TMPRSS12: variants seen among roughly 807,000 people sequenced by gnomAD.
TMPRSS12 encodes transmembrane protease serine 12.
In TMPRSS12, 25 loss-of-function variants were observed where a neutral mutation model predicts 26.0. The ratio of observed to expected loss-of-function variants is 0.96; its 90% CI spans 0.70 to 1.34. TMPRSS12 has a LOEUF of 1.34. TMPRSS12 is among the 40% of genes most tolerant of loss of function. The probability of loss-of-function intolerance (pLI) is 0.00; values close to 1 mark genes in which losing one functional copy is unlikely to be tolerated. For missense variants in TMPRSS12, 441 were observed against 440.1 expected, an observed-to-expected ratio of 1.00 and a Z score of -0.02; for synonymous variants, 150 against 161.7, an observed-to-expected ratio of 0.93 and a Z score of 0.55.
chr12:50,859,254 T>C (rs1361438354), intron 3 of TMPRSS12, among the ~76,000 whole-genome samples: 1 of 151,812 alleles, frequency 6.6e-6, no homozygotes, highest in Non-Finnish European at 1.5e-5. Context: ...CTTGCTCTGT[T>C]GCCCAGGATG....
Position 50,870,834 on chromosome 12 carries a change from C to T in TMPRSS12, c.652+11781C>T, listed in dbSNP as rs1167773776. Among the ~76,000 whole-genome samples the T allele has an allele frequency of 2.1e-5, 3 of 143,308 alleles. No individual in the cohort carries two copies. The South Asian group carries it at 7.1e-4, about 34-fold the overall frequency. The allele number at this position is 143,308 out of a possible 152,430, so 94.0% of individuals were successfully genotyped here. ...CAGAGAATCAAATCAAGAACTCAAC[C>T]CTTTTCATGATAGTTGCAAAAAAAA... On this transcript the variant is annotated intron_variant, in intron 3 of 4. Transcript: ENST00000398458.
At chr12:50,875,322 C>T (rs1938102556) in intron 3 of TMPRSS12, among the ~76,000 whole-genome samples, 1 of 151,686 alleles carries the variant, frequency 6.6e-6, no homozygotes, top group Non-Finnish European at 1.5e-5. Context: ...CTAACCTCGT[C>T]TCTACTAAAA....
chr12:50,887,350 G>A lies in TMPRSS12; in HGVS notation c.884G>A (p.Gly295Asp). Residue 295 changes from glycine (G) to aspartate (D), a missense_variant, in exon 5 of 5, where the codon GGT becomes GAT. Coordinates refer to ENST00000398458, the MANE Select transcript of TMPRSS12 (RefSeq NM_182559.3). Reference sequence around the variant, plus strand: ...ATTACCAGTTACGGACATGGCTGTGGTCGAAGAGGTTTTCCTGGTGTCTAT... The same window carrying A: ...ATTACCAGTTACGGACATGGCTGTGATCGAAGAGGTTTTCCTGGTGTCTAT... ...MGITSYGHGC[G>D]RRGFPGVYIG... 1 of 1,613,926 alleles carries A rather than the reference G, an allele frequency of 6.2e-7. No individual in the cohort carries two copies.
intron 3 of TMPRSS12, among the ~76,000 whole-genome samples, chr12:50,865,923 C>T (rs1402481951): frequency 6.6e-6 from 1 of 152,042 alleles, no homozygotes; most frequent in Non-Finnish European, 1.5e-5. Context: ...GTACAGACTG[C>T]AGAACTGATT....
chr12:50,874,364 T>G (rs1237240193), intron 3 of TMPRSS12, among the ~76,000 whole-genome samples: 1 of 152,094 alleles, frequency 6.6e-6, no homozygotes, highest in Non-Finnish European at 1.5e-5. Context: ...AAGGATTATA[T>G]ACACTACCTA....
chr12:50,887,467 A>T lies in TMPRSS12; in HGVS notation c.1001A>T (p.Gln334Leu). Residue 334 changes from glutamine to leucine, a missense_variant, in exon 5 of 5, where the codon CAG (glutamine) becomes CTG (leucine). By Grantham distance (113) the Gln-to-Leu change is moderately radical. Coordinates refer to ENST00000398458, the MANE Select transcript of TMPRSS12 (RefSeq NM_182559.3). ...GILTINILRG[Q>L]ILIALCFVIL... ...CTTACTATAAATATTTTACGTGGCC[A>T]GATCCTCATAGCTTTATGTTTTGTC... The T allele has an allele frequency of 1.2e-6, 2 of 1,613,918 alleles. No homozygotes were observed. Among genetic ancestry groups the T allele is most frequent in the Non-Finnish European group, 1.7e-6 (2 of 1,179,866 alleles).
chr12:50,857,055 C>T (rs991780116), intron 2 of TMPRSS12, among the ~76,000 whole-genome samples: 1 of 152,148 alleles, frequency 6.6e-6, no homozygotes, highest in Non-Finnish European at 1.5e-5. Context: ...TCATTTATTA[C>T]ACTTCCTAGA....
intron 3 of TMPRSS12, among the ~76,000 whole-genome samples, chr12:50,865,163 A>G (rs114487933): frequency 1.4e-4 from 21 of 152,064 alleles, no homozygotes; most frequent in African/African-American, 4.6e-4. Flanking sequence ...GAAACCCCCA[A>G]TCCACTAAAA....
chr12:50,863,153 A>T (rs142477700), intron 3 of TMPRSS12, among the ~76,000 whole-genome samples: 1 of 152,280 alleles, frequency 6.6e-6, no homozygotes, highest in East Asian at 1.9e-4. Flanking sequence ...CCTGGGTAAC[A>T]GAGAAAGACC....
intron 3 of TMPRSS12, among the ~76,000 whole-genome samples, chr12:50,875,655 A>T (rs1234125646): frequency 3.3e-5 from 5 of 152,104 alleles, no homozygotes; most frequent in African/African-American, 1.2e-4. Context: ...ATGGGCAAAG[A>T]ACTCCCTATT....
At chr12:50,856,839 C>A (rs910102458) in intron 2 of TMPRSS12, among the ~76,000 whole-genome samples, 1 of 125,084 alleles carries the variant, frequency 8.0e-6, no homozygotes, top group Non-Finnish European at 1.7e-5. Flanking sequence ...GCATGTGCCA[C>A]GACATCCGGC....
In TMPRSS12 at chr12:50,871,569, C is replaced by T. The variant is rs572476032; in HGVS notation, c.652+12516C>T. ...TCATGACCAAGAAGCCAAAAGCAAA[C>T]GCAATACAAACAAAGATAAATAGCT... On this transcript the variant is annotated intron_variant, in intron 3 of 4. Coordinates refer to ENST00000398458, the MANE Select transcript of TMPRSS12 (RefSeq NM_182559.3). 1.3e-3 allele frequency among the ~76,000 whole-genome samples: 195 copies of T among 152,162 alleles called. 1 individual carries two copies. The highest frequency in any genetic ancestry group is 4.1e-3 in the African/African-American group (172 of 41,518).
intron 3 of TMPRSS12, among the ~76,000 whole-genome samples, chr12:50,864,183 G>T (rs1937965837): frequency 6.6e-6 from 1 of 152,130 alleles, no homozygotes; most frequent in Non-Finnish European, 1.5e-5. Flanking sequence ...AAAGCTTCAA[G>T]CTGAGAATTT....
chr12:50,856,127 C>A (rs542154562), intron 2 of TMPRSS12, among the ~76,000 whole-genome samples: 4 of 152,152 alleles, frequency 2.6e-5, no homozygotes, highest in Non-Finnish European at 4.4e-5. Flanking sequence ...GTGAAATAAT[C>A]TGTACACCAA....
chr12:50,854,117 T>C (rs756191580), intron 2 of TMPRSS12, among the ~76,000 whole-genome samples: 2 of 152,088 alleles, frequency 1.3e-5, no homozygotes, highest in Non-Finnish European at 2.9e-5. Flanking sequence ...CATCAAAAAC[T>C]AATCCACCAT....
At position 50,885,406 on chromosome 12, in the gene TMPRSS12, T is replaced by C. The variant is rs770627049; in HGVS notation, c.795+18T>C. On this transcript the variant is annotated intron_variant, in intron 4 of 4. Coordinates refer to ENST00000398458, the MANE Select transcript of TMPRSS12 (RefSeq NM_182559.3). ...CTTGCAGGGTAAGACCAAGTAATTT[T>C]CCTTTAAAATATTTTCTGAAGCCAG... 3.6e-5 allele frequency: 58 copies of C among 1,613,566 alleles called. No homozygotes were observed. The highest frequency in any genetic ancestry group is 4.7e-5 in the Non-Finnish European group (56 of 1,179,812).
chr12:50,865,313 C>G (rs1053243947), intron 3 of TMPRSS12, among the ~76,000 whole-genome samples: 2 of 151,956 alleles, frequency 1.3e-5, no homozygotes, highest in Non-Finnish European at 2.9e-5. Context: ...GCCTGGGCAA[C>G]GAGAGCAAGA....
intron 4 of TMPRSS12, chr12:50,886,926 T>C (rs1344518875): frequency 4.7e-6 from 1 of 213,966 alleles, no homozygotes; most frequent in Non-Finnish European, 9.2e-6. Flanking sequence ...TAGACAGTTT[T>C]GACAATATTT....
rs147910602 is a variant in TMPRSS12 at position 50,865,679 on chromosome 12, T to C, written c.652+6626T>C. On this transcript the variant is annotated intron_variant, in intron 3 of 4. Transcript: ENST00000398458. ...AAACGTAATCCCCTTTCATACATTA[T>C]ACTGAAGTTGAACAACAAAGAAAAA... Among the ~76,000 whole-genome samples the C allele has an allele frequency of 2.3e-4, 34 of 147,646 alleles. No individual in the cohort carries two copies. In the East Asian group the frequency reaches 6.2e-3, roughly 27 times the overall value.
Sources: gnomAD v4.1 joint callset for allele counts (sites outside exome capture counted in the v4.1 genomes callset) on GRCh38, gnomAD v4.1.1 for gene constraint, MANE v1.5 for transcripts, NCBI Gene and HGNC (gene_info 2026-07-23, HGNC 2026-07-21) for gene names.